FBN1: variants seen among roughly 807,000 people sequenced by gnomAD.
The protein encoded by FBN1 is fibrillin 1, also known as fibrillin-1.
FBN1 carries 29 observed loss-of-function variants against 365.1 expected under a neutral mutation model. The ratio of observed to expected loss-of-function variants is 0.08; its 90% confidence interval spans 0.06 to 0.11. The LOEUF (loss-of-function observed/expected upper bound fraction) is 0.11. Among genes scored for constraint, FBN1 ranks in the 10% least tolerant of loss-of-function variants. The pLI, the probability that FBN1 is intolerant of heterozygous loss-of-function variation, is 1.00. For missense variants in FBN1, 2,476 were observed against 3,703.2 expected (o/e 0.67, Z 8.60); for synonymous variants, 1,210 against 1,270.5 (o/e 0.95, Z 1.01).
intron 6 of FBN1, among the ~76,000 whole-genome samples, chr15:48,588,587 A>G (rs1203027179): frequency 6.6e-6 from 1 of 152,260 alleles, no homozygotes; most frequent in African/African-American, 2.4e-5. Flanking sequence ...CTTTGATAAC[A>G]CAAGAGAATG....
intron 17 of FBN1, among the ~76,000 whole-genome samples, chr15:48,503,355 A>C (rs1213896689): frequency 1.3e-5 from 2 of 152,104 alleles, no homozygotes; most frequent in African/African-American, 4.8e-5. Flanking sequence ...CCACACCAAA[A>C]TCAATACGTG....
At chr15:48,487,535 C>T in intron 27 of FBN1, 98 bp from the exon 28 acceptor site, 1 of 1,528,800 alleles carries the variant, frequency 6.5e-7, no homozygotes, top group Non-Finnish European at 9.0e-7. Context: ...CCATCTTGAC[C>T]TCCTTGTCTC....
intron 50 of FBN1, 91 bp from the exon 51 acceptor site, chr15:48,438,008 T>C (rs2043086632): frequency 7.6e-7 from 1 of 1,322,396 alleles, no homozygotes; most frequent in Admixed American, 1.7e-5. Context: ...CTATGTTATA[T>C]ATGTTCTCCT....
At chr15:48,545,637 C>T (rs887597033) in intron 6 of FBN1, among the ~76,000 whole-genome samples, 7 of 151,886 alleles carry the variant, frequency 4.6e-5, no homozygotes, top group African/African-American at 1.7e-4. Context: ...ACAAGGTGCA[C>T]AACAATGTGA....
chr15:48,524,214 T>G (rs1452438107), intron 9 of FBN1, among the ~76,000 whole-genome samples: 1 of 152,022 alleles, frequency 6.6e-6, no homozygotes, highest in Non-Finnish European at 1.5e-5. Flanking sequence ...AAAATAATAC[T>G]AAAAGAGCTT....
At chr15:48,619,962 T>C (rs968821397) in intron 2 of FBN1, among the ~76,000 whole-genome samples, 2 of 152,018 alleles carry the variant, frequency 1.3e-5, no homozygotes, top group African/African-American at 4.8e-5. Context: ...CAAATCAACA[T>C]GTTTTAAAAA....
chr15:48,456,143 G>C (rs978732097), intron 44 of FBN1, among the ~76,000 whole-genome samples: 2 of 152,234 alleles, frequency 1.3e-5, no homozygotes, highest in Non-Finnish European at 2.9e-5. Context: ...AAGTACATGT[G>C]CATGCCAACA....
chr15:48,598,062 C>A (rs1264046255), intron 5 of FBN1, among the ~76,000 whole-genome samples: 1 of 152,194 alleles, frequency 6.6e-6, no homozygotes, highest in African/African-American at 2.4e-5. Flanking sequence ...TGTCTTCCTG[C>A]TCCTGTTTTG....
intron 2 of FBN1, chr15:48,642,031 A>T (rs1890206651): frequency 6.6e-6 from 1 of 152,228 alleles, no homozygotes; most frequent in Non-Finnish European, 1.5e-5. Flanking sequence ...CAAAAGACTC[A>T]ATGTAATCTA....
intron 2 of FBN1, among the ~76,000 whole-genome samples, chr15:48,635,968 A>G (rs1271568684): frequency 1.3e-5 from 2 of 152,244 alleles, no homozygotes; most frequent in Admixed American, 1.3e-4. Context: ...AACTTGATCA[A>G]GTTAGAATTA....
At chr15:48,610,516 C>T (rs1362279240) in intron 4 of FBN1, among the ~76,000 whole-genome samples, 1 of 152,070 alleles carries the variant, frequency 6.6e-6, no homozygotes, top group Admixed American at 6.6e-5. Context: ...AGTAACTATG[C>T]CCCATAGGTA....
At chr15:48,456,980 G>A (rs1203777056) in intron 43 of FBN1, among the ~76,000 whole-genome samples, 2 of 152,064 alleles carry the variant, frequency 1.3e-5, no homozygotes, top group African/African-American at 4.8e-5. Flanking sequence ...TTAAATATAT[G>A]TTCTGGGTTT....
At chr15:48,579,462 C>A (rs2044374807) in intron 6 of FBN1, among the ~76,000 whole-genome samples, 1 of 152,106 alleles carries the variant, frequency 6.6e-6, no homozygotes, top group African/African-American at 2.4e-5. Context: ...CTACTACCAT[C>A]TCAAAAAAGC....
chr15:48,640,609 G>A (rs1302570688), intron 2 of FBN1, among the ~76,000 whole-genome samples: 1 of 151,918 alleles, frequency 6.6e-6, no homozygotes, highest in African/African-American at 2.4e-5. Context: ...GTATTTTTCT[G>A]GCAACAAGAC....
chr15:48,620,285 T>C (rs1283092381), intron 2 of FBN1, among the ~76,000 whole-genome samples: 1 of 152,126 alleles, frequency 6.6e-6, no homozygotes, highest in East Asian at 1.9e-4. Flanking sequence ...TCATTGAGGG[T>C]TTGGGAAACA....
At chr15:48,546,856 G>T (rs1174859246) in intron 6 of FBN1, among the ~76,000 whole-genome samples, 3 of 152,112 alleles carry the variant, frequency 2.0e-5, no homozygotes, top group Non-Finnish European at 4.4e-5. Flanking sequence ...GGATCAGATG[G>T]GAAGCGTGAG....
At chr15:48,435,045 C>T (rs193289562) in intron 53 of FBN1, among the ~76,000 whole-genome samples, 1 of 152,304 alleles carries the variant, frequency 6.6e-6, no homozygotes, top group Admixed American at 6.5e-5. Flanking sequence ...AATCTGCCCA[C>T]CTCGGCATCC....
chr15:48,556,644 C>T (rs1325478043), intron 6 of FBN1, among the ~76,000 whole-genome samples: 1 of 152,206 alleles, frequency 6.6e-6, no homozygotes, highest in Non-Finnish European at 1.5e-5. Context: ...ATGGCAGCTA[C>T]TCCTCATAGT....
chr15:48,490,270 T>C (rs1288134463), intron 24 of FBN1, among the ~76,000 whole-genome samples, 192 bp from the exon 25 acceptor site: 1 of 152,196 alleles, frequency 6.6e-6, no homozygotes, highest in Non-Finnish European at 1.5e-5. Context: ...AGACTCTCTT[T>C]GTCAGCCCAT....
Sources: gnomAD v4.1 joint callset for allele counts (sites outside exome capture counted in the v4.1 genomes callset) on GRCh38, gnomAD v4.1.1 for gene constraint, MANE v1.5 for transcripts, NCBI Gene and HGNC (gene_info 2026-07-23, HGNC 2026-07-21) for gene names.